Variants in ZFHX3 observed in about 807,000 individuals in gnomAD.
The protein encoded by ZFHX3 is zinc finger homeobox 3.
A neutral mutation model predicts 279.1 loss-of-function variants in ZFHX3; 42 were observed. The observed-to-expected ratio is 0.15, with a 90% CI of 0.12 to 0.19. The LOEUF (loss-of-function observed/expected upper bound fraction) is 0.19, where lower values mean the gene tolerates loss of function less well. Among genes scored for constraint, ZFHX3 ranks in the 10% least tolerant of loss-of-function variants. ZFHX3 has a pLI of 1.00. For synonymous variants in ZFHX3, 2,293 were observed against 1,957.8 expected (o/e 1.17, Z -4.52); for missense variants, 4,981 against 4,754.0 (o/e 1.05, Z -1.40).
At chr16:73,368,638 C>T (rs1004903471) in intron 3 of ZFHX3, among the ~76,000 whole-genome samples, 1 of 152,202 alleles carries the variant, frequency 6.6e-6, no homozygotes, top group Non-Finnish European at 1.5e-5. Context: ...TGCACCTTGA[C>T]TATATTATCC....
In ZFHX3 at chr16:73,539,896, G is replaced by A. The variant is rs560363690; in HGVS notation, c.-1546-83638C>T. On this transcript the variant is annotated intron_variant, in intron 2 of 17. Transcript: ENST00000641206. ...CTGCAGCAAGAAATTGCTTTTCGAC[G>A]CCCAGTATATACAGACAAACTGTTT... 1.2e-4 allele frequency among the ~76,000 whole-genome samples: 18 copies of A among 152,228 alleles called. No individual in the cohort carries two copies. In the East Asian group the frequency reaches 2.7e-3, roughly 23 times the overall value.
intron 2 of ZFHX3, among the ~76,000 whole-genome samples, chr16:73,549,006 T>C (rs567650738): frequency 6.6e-6 from 1 of 152,196 alleles, no homozygotes; most frequent in Non-Finnish European, 1.5e-5. Context: ...AAAAAATGTA[T>C]ATGCAATTTT....
intron 3 of ZFHX3, among the ~76,000 whole-genome samples, chr16:72,936,804 T>C (rs756369201): frequency 6.6e-6 from 1 of 152,098 alleles, no homozygotes; most frequent in South Asian, 2.1e-4. Flanking sequence ...GAGAGTGATA[T>C]GACCTGATTT....
intron 3 of ZFHX3, among the ~76,000 whole-genome samples, chr16:72,944,510 C>T (rs1960566700): frequency 6.6e-6 from 1 of 152,120 alleles, no homozygotes; most frequent in Non-Finnish European, 1.5e-5. Context: ...TTGGAAAATA[C>T]TTAAAGATGT....
upstream of ZFHX3, among the ~76,000 whole-genome samples, chr16:73,052,938 G>A (rs1400190821): frequency 6.6e-6 from 1 of 152,162 alleles, no homozygotes; most frequent in East Asian, 1.9e-4. Flanking sequence ...CGGAAGGGGG[G>A]AGAGGTGACA....
intron 3 of ZFHX3, among the ~76,000 whole-genome samples, chr16:73,385,715 A>G (rs1245264679): frequency 6.6e-6 from 1 of 152,326 alleles, no homozygotes; most frequent in East Asian, 1.9e-4. Context: ...GCCTAATGCC[A>G]GTGCCCCCCA....
intron 3 of ZFHX3, among the ~76,000 whole-genome samples, chr16:73,325,288 G>A (rs1051857494): frequency 3.9e-5 from 6 of 152,184 alleles, no homozygotes; most frequent in African/African-American, 1.4e-4. Context: ...TATGGCCCAG[G>A]CATGTGGTTA....
At chr16:73,739,122 T>C (rs1447187312) in intron 1 of ZFHX3, among the ~76,000 whole-genome samples, 1 of 152,190 alleles carries the variant, frequency 6.6e-6, no homozygotes, top group Non-Finnish European at 1.5e-5. Flanking sequence ...TTGCTCAGCC[T>C]CTCCAATGCC....
chr16:72,837,551 T>C (rs2037226868), intron 4 of ZFHX3, among the ~76,000 whole-genome samples: 2 of 149,858 alleles, frequency 1.3e-5, no homozygotes, highest in South Asian at 4.2e-4. Flanking sequence ...CAATCATCAC[T>C]TACTGTAGCC....
At chr16:73,299,566 C>G (rs568033367) in intron 4 of ZFHX3, among the ~76,000 whole-genome samples, 1 of 152,056 alleles carries the variant, frequency 6.6e-6, no homozygotes, top group East Asian at 1.9e-4. Flanking sequence ...GAGGGGCAGG[C>G]CTGAGTCTCT....
At chr16:73,209,494 C>T (rs2011932920) in intron 5 of ZFHX3, among the ~76,000 whole-genome samples, 1 of 152,112 alleles carries the variant, frequency 6.6e-6, no homozygotes, top group Non-Finnish European at 1.5e-5. Context: ...TGCTGTTCCT[C>T]ACATGGTAGA....
chr16:73,011,221 C>G (rs1051772907), intron 1 of ZFHX3, among the ~76,000 whole-genome samples: 1 of 151,906 alleles, frequency 6.6e-6, no homozygotes, highest in African/African-American at 2.4e-5. Flanking sequence ...GACCTCAGGT[C>G]GATCCGCCTG....
chr16:72,861,906 T>C (rs2037900336), intron 4 of ZFHX3, among the ~76,000 whole-genome samples: 1 of 151,848 alleles, frequency 6.6e-6, no homozygotes. Flanking sequence ...TCCCAACTAC[T>C]AGGGAGGCTG....
chr16:73,173,577 G>A (rs1967590705), intron 5 of ZFHX3, among the ~76,000 whole-genome samples: 1 of 151,996 alleles, frequency 6.6e-6, no homozygotes, highest in Non-Finnish European at 1.5e-5. Flanking sequence ...TACTAACAAT[G>A]CTCTGCTCTC....
At chr16:73,381,549 A>G (rs982085540) in intron 3 of ZFHX3, among the ~76,000 whole-genome samples, 3 of 152,230 alleles carry the variant, frequency 2.0e-5, no homozygotes, top group Non-Finnish European at 4.4e-5. Context: ...TTCATTTCAC[A>G]GGGCAGAAAG....
intron 1 of ZFHX3, among the ~76,000 whole-genome samples, chr16:73,713,507 T>C (rs2053384395): frequency 6.6e-6 from 1 of 152,156 alleles, no homozygotes; most frequent in African/African-American, 2.4e-5. Context: ...GTCCATGCAA[T>C]GCATGAAGCT....
intron 3 of ZFHX3, among the ~76,000 whole-genome samples, chr16:73,361,281 T>C (rs964162195): frequency 6.6e-6 from 1 of 152,208 alleles, no homozygotes; most frequent in African/African-American, 2.4e-5. Flanking sequence ...GATGAGACGG[T>C]GGCAAGCTCA....
At chr16:73,617,707 C>CTT (rs2052318962) in intron 2 of ZFHX3, among the ~76,000 whole-genome samples, 1 of 151,840 alleles carries the variant, frequency 6.6e-6, no homozygotes, top group African/African-American at 2.4e-5. Context: ...ACTGAGGAAA[C>CTT]CTTGATAGGC....
At chr16:72,823,225 C>G (rs766331698) in intron 5 of ZFHX3, among the ~76,000 whole-genome samples, 1 of 152,160 alleles carries the variant, frequency 6.6e-6, no homozygotes. Context: ...AAAGGGGCCA[C>G]GCAAAATGGG....
Sources: allele counts gnomAD v4.1 joint callset (sites outside exome capture counted in the v4.1 genomes callset), GRCh38; gene constraint gnomAD v4.1.1; transcripts MANE v1.5; gene names NCBI Gene and HGNC (gene_info 2026-07-23, HGNC 2026-07-21).